Variants in SNX30 observed in about 807,000 individuals in gnomAD.
The protein encoded by SNX30 is sorting nexin-30.
In SNX30, 24 loss-of-function variants were observed where a neutral mutation model predicts 46.4. The observed-to-expected ratio is 0.52, with a 90% CI of 0.37 to 0.73. SNX30 has a LOEUF of 0.73. Ranked by LOEUF, SNX30 falls within the 30% of genes least tolerant of loss-of-function variation. SNX30 has a pLI of 0.00. For missense variants in SNX30, 533 were observed against 555.7 expected (o/e 0.96, Z 0.41); for synonymous variants, 189 against 211.5 (o/e 0.89, Z 0.92).
At chr9:112,794,661 A>G (rs10739370) in intron 1 of SNX30, among the ~76,000 whole-genome samples, 142,674 of 152,280 alleles carry the variant, frequency 0.94, 66,914 homozygotes, top group East Asian at 1. Context: ...GTTTTAGCAT[A>G]ACTTATTTTT....
At chr9:112,816,467 C>T (rs977009595) in intron 2 of SNX30, among the ~76,000 whole-genome samples, 20 of 152,204 alleles carry the variant, frequency 1.3e-4, no homozygotes, top group African/African-American at 4.8e-4. Context: ...CACATCTTCA[C>T]CCTTGCAAAC....
At chr9:112,862,384 C>T (rs1423387187) in intron 7 of SNX30, among the ~76,000 whole-genome samples, 1 of 152,124 alleles carries the variant, frequency 6.6e-6, no homozygotes, top group Non-Finnish European at 1.5e-5. Context: ...GAGCAGTGGC[C>T]AGGAGACGGG....
Position 112,873,310 on chromosome 9 carries a change from T to C in SNX30, c.*4467T>C, listed in dbSNP as rs1462081518. ...ATTCTGTGTATTTAGCACTTGAAAA[T>C]CAACAAATCCAGAATTTAAAAAAAT... On this transcript the variant is annotated 3_prime_UTR_variant, in exon 9 of 9. Transcript: ENST00000374232. 1 of 152,164 alleles carries C rather than the reference T, an allele frequency of 6.6e-6. No homozygotes were observed. The highest frequency in any genetic ancestry group is 1.9e-4 in the East Asian group (1 of 5,206). 9.4% of individuals were successfully genotyped at this position (152,164 alleles called of 1,614,324 possible). A position where few individuals can be genotyped will look rare whatever the true frequency, so the allele number is the denominator to read the frequency against.
chr9:112,753,868 G>A lies in SNX30; in HGVS notation c.156+2711G>A, dbSNP rs191801017. On this transcript the variant is annotated intron_variant, in intron 1 of 8. Transcript: ENST00000374232. ...ACACGTATGGTCTCATAACTCTGAA[G>A]AAATTTCTGTAGAGAGAAGCTAGCA... Among the ~76,000 whole-genome samples, 32 of 152,318 alleles carry A rather than the reference G, an allele frequency of 2.1e-4. 1 individual carries two copies. The highest frequency in any genetic ancestry group is 7.2e-4 in the African/African-American group (30 of 41,574).
At chr9:112,830,584 T>C (rs1330184212) in intron 3 of SNX30, 141 bp from the exon 4 acceptor site, 4 of 670,500 alleles carry the variant, frequency 6.0e-6, no homozygotes, top group Non-Finnish European at 7.2e-6. Context: ...GAAGTCTTTA[T>C]ATTAATGACT....
intron 2 of SNX30, among the ~76,000 whole-genome samples, chr9:112,816,932 T>A (rs1840405781): frequency 6.6e-6 from 1 of 152,186 alleles, no homozygotes; most frequent in Admixed American, 6.5e-5. Context: ...TAACATTGAT[T>A]TTCATTATTA....
At position 112,871,314 on chromosome 9, in the gene SNX30, A is replaced by G. The variant is rs1278233267; in HGVS notation, c.*2471A>G. ...TTCCCAGCCTCCAGGCTGGTGTCTC[A>G]TGAGGTGAGGAGGCTGGCCCAGAAG... On this transcript the variant is annotated 3_prime_UTR_variant, in exon 9 of 9. Coordinates refer to ENST00000374232, the MANE Select transcript of SNX30 (RefSeq NM_001012994.2). 1 of 152,174 alleles carries G rather than the reference A, an allele frequency of 6.6e-6. No individual in the cohort carries two copies. The highest frequency in any genetic ancestry group is 6.5e-5 in the Admixed American group (1 of 15,278). 9.4% of individuals were successfully genotyped at this position (152,174 alleles called of 1,614,324 possible).
intron 2 of SNX30, among the ~76,000 whole-genome samples, chr9:112,813,471 T>TTA (rs1470257491): frequency 2.1e-5 from 3 of 142,224 alleles, no homozygotes; most frequent in African/African-American, 7.6e-5. Flanking sequence ...TGTATTTAAT[T>TTA]TTTTTTTTTT....
intron 1 of SNX30, among the ~76,000 whole-genome samples, chr9:112,795,025 T>C (rs750736369): frequency 6.6e-4 from 100 of 152,224 alleles, no homozygotes; most frequent in Non-Finnish European, 1.1e-3. Flanking sequence ...TCCTTTGTTA[T>C]AATAAAATCA....
intron 1 of SNX30, among the ~76,000 whole-genome samples, chr9:112,751,579 C>A (rs1273347004): frequency 6.6e-6 from 1 of 152,248 alleles, no homozygotes; most frequent in Non-Finnish European, 1.5e-5. Flanking sequence ...GCTTTCCGTG[C>A]TGGGACCGGG....
Position 112,750,797 on chromosome 9 carries a change from CGCGGAGCGGGGGCGCGCGGCGCGGA to C in SNX30, c.-196_-172del, listed in dbSNP as rs1398415837. The C allele has an allele frequency of 8.6e-5, 18 of 209,640 alleles. No individual in the cohort carries two copies. In the East Asian group the frequency reaches 1.7e-3, roughly 19 times the overall value. 13.0% of individuals were successfully genotyped at this position (209,640 alleles called of 1,614,324 possible). Reference sequence around the variant, plus strand: ...CCAGCGGACCCGCGGCGGGCTCGGGCGCGGAGCGGGGGCGCGCGGCGCGGAGCGGAGCGTCTGAGCGCCGGCAGAG... The same window carrying C: ...CCAGCGGACCCGCGGCGGGCTCGGGCGCGGAGCGTCTGAGCGCCGGCAGAG... On this transcript the variant is annotated 5_prime_UTR_variant, in exon 1 of 9. Transcript: ENST00000374232.
At chr9:112,833,557 T>C in intron 4 of SNX30, among the ~76,000 whole-genome samples, 1 of 152,208 alleles carries the variant, frequency 6.6e-6, no homozygotes, top group East Asian at 1.9e-4. Flanking sequence ...GGACGCTCAA[T>C]AGCAACTATA....
chr9:112,859,702 C>G (rs930531076), intron 7 of SNX30, among the ~76,000 whole-genome samples: 1 of 151,854 alleles, frequency 6.6e-6, no homozygotes, highest in Admixed American at 6.6e-5. Flanking sequence ...ATCTCCGCCT[C>G]CCGGAGACCA....
At chr9:112,757,596 G>A (rs889902267) in intron 1 of SNX30, among the ~76,000 whole-genome samples, 3 of 152,174 alleles carry the variant, frequency 2.0e-5, no homozygotes, top group Non-Finnish European at 4.4e-5. Context: ...CATAATGGCT[G>A]TACCAATCTA....
chr9:112,884,948 GGA>G (rs1363566322), downstream of SNX30, among the ~76,000 whole-genome samples: 1 of 152,144 alleles, frequency 6.6e-6, no homozygotes, highest in Non-Finnish European at 1.5e-5. Flanking sequence ...GGACTCCTGA[GGA>G]GTGTGCACTG....
chr9:112,777,574 A>G (rs978507569), intron 1 of SNX30, among the ~76,000 whole-genome samples: 7 of 147,838 alleles, frequency 4.7e-5, no homozygotes, highest in African/African-American at 1.8e-4. Context: ...CTACAGGTGC[A>G]TACCACCACA....
intron 6 of SNX30, among the ~76,000 whole-genome samples, chr9:112,848,325 G>A (rs1288991175): frequency 6.6e-6 from 1 of 152,054 alleles, no homozygotes; most frequent in African/African-American, 2.4e-5. Context: ...TATCAATAGA[G>A]ACTGGGCTGG....
intron 2 of SNX30, among the ~76,000 whole-genome samples, chr9:112,816,353 G>T (rs972820875): frequency 1.3e-5 from 2 of 152,188 alleles, no homozygotes; most frequent in African/African-American, 2.4e-5. Flanking sequence ...TTGCTCTCTG[G>T]ATTTAAGTGT....
intron 1 of SNX30, among the ~76,000 whole-genome samples, chr9:112,760,404 A>G (rs2131349805): frequency 6.6e-6 from 1 of 152,294 alleles, no homozygotes; most frequent in African/African-American, 2.4e-5. Context: ...TCTAACATCA[A>G]TATCTTTTAT....
Sources: allele counts gnomAD v4.1 joint callset (sites outside exome capture counted in the v4.1 genomes callset), GRCh38; gene constraint gnomAD v4.1.1; transcripts MANE v1.5; gene names NCBI Gene and HGNC (gene_info 2026-07-23, HGNC 2026-07-21).